Variants in FANCA observed in about 807,000 individuals in gnomAD.
The protein encoded by FANCA is FA complementation group A.
In FANCA, 236 loss-of-function variants were observed where a neutral mutation model predicts 194.3. That is an observed-to-expected ratio of 1.21 (90% CI 1.09 to 1.35). FANCA has a LOEUF of 1.35. Among genes scored for constraint, FANCA ranks in the 40% most tolerant of loss-of-function variants. FANCA has a pLI of 0.00. For synonymous variants in FANCA, 1,014 were observed against 715.8 expected (o/e 1.42, Z -6.65); for missense variants, 2,628 against 1,813.9 (o/e 1.45, Z -8.15).
rs1232171121 is a variant in FANCA, at chr16:89,814,519, C to A, written c.283+1G>T. The A allele has an allele frequency of 6.2e-7, 1 of 1,600,208 alleles. No individual in the cohort carries two copies. The highest frequency in any genetic ancestry group is 1.7e-5 in the Admixed American group (1 of 59,992). On this transcript the variant is annotated splice_donor_variant, in intron 3 of 42. Transcript: ENST00000389301. LOFTEE classifies it high-confidence loss of function. ...ATAGAGAAAATGAAGCTATAACTTA[C>A]CTATAAATGAACTAGAATGATTAGC...
intron 24 of FANCA, 147 bp from the exon 25 acceptor site, chr16:89,770,406 G>C: frequency 9.8e-7 from 1 of 1,023,968 alleles, no homozygotes; most frequent in Non-Finnish European, 1.5e-6. Context: ...ATCTTCTGCA[G>C]TGCTTCCCAA....
chr16:89,800,267 A>G (rs1598167018), intron 8 of FANCA, among the ~76,000 whole-genome samples: 1 of 152,218 alleles, frequency 6.6e-6, no homozygotes, highest in East Asian at 1.9e-4. Context: ...TTCACCCTTG[A>G]TGCCTCTGGA....
intron 1 of FANCA, chr16:89,816,218 G>A: frequency 1.9e-6 from 1 of 527,974 alleles, no homozygotes; most frequent in South Asian, 1.9e-5. Context: ...GGGACGGCTG[G>A]CGAGGGGCGG....
chr16:89,770,480 T>C, intron 24 of FANCA, 84 bp downstream of exon 24: 1 of 1,316,266 alleles, frequency 7.6e-7, no homozygotes, highest in Middle Eastern at 2.3e-4. Context: ...GACGAGCTCA[T>C]GAGTCCCTGG....
At chr16:89,813,778 GAA>G (rs1275279097) in intron 3 of FANCA, among the ~76,000 whole-genome samples, 1 of 148,430 alleles carries the variant, frequency 6.7e-6, no homozygotes, top group Admixed American at 6.6e-5. Flanking sequence ...GTCTCCATAG[GAA>G]AGTTTTTTTA....
At chr16:89,796,624 T>A (rs1026534417) in intron 10 of FANCA, among the ~76,000 whole-genome samples, 4 of 152,124 alleles carry the variant, frequency 2.6e-5, no homozygotes, top group African/African-American at 7.2e-5. Context: ...GCCTGCCACA[T>A]CCCAGCAGGC....
At chr16:89,759,475 C>G (rs997736590) in intron 29 of FANCA, among the ~76,000 whole-genome samples, 1 of 151,644 alleles carries the variant, frequency 6.6e-6, no homozygotes, top group Non-Finnish European at 1.5e-5. Context: ...CAAGGAGACA[C>G]TGACTCAAAA....
At chr16:89,805,493 T>C (rs1204860598) in intron 6 of FANCA, 101 bp from the exon 7 acceptor site, 1 of 830,568 alleles carries the variant, frequency 1.2e-6, no homozygotes, top group Non-Finnish European at 2.0e-6. Context: ...AGACAGTTTT[T>C]TGCTGTCACT....
intron 8 of FANCA, among the ~76,000 whole-genome samples, chr16:89,802,132 T>A (rs2040477409): frequency 6.6e-6 from 1 of 152,054 alleles, no homozygotes; most frequent in Non-Finnish European, 1.5e-5. Context: ...TTTAACGGAG[T>A]CTCGCTCTGT....
At chr16:89,754,625 T>G (rs2038710008) in intron 30 of FANCA, among the ~76,000 whole-genome samples, 2 of 152,170 alleles carry the variant, frequency 1.3e-5, no homozygotes, top group South Asian at 4.2e-4. Flanking sequence ...CACTTCACCC[T>G]CCCAAAGTGC....
At chr16:89,814,848 G>C (rs560783159) in intron 2 of FANCA, among the ~76,000 whole-genome samples, 3 of 152,112 alleles carry the variant, frequency 2.0e-5, no homozygotes, top group South Asian at 4.2e-4. Context: ...GGCTGAGACG[G>C]GAGAATCACT....
At chr16:89,810,545 C>A in intron 5 of FANCA, 162 bp downstream of exon 5, 2 of 651,792 alleles carry the variant, frequency 3.1e-6, no homozygotes, top group South Asian at 1.7e-5. Flanking sequence ...GTACTTCTTT[C>A]CAATCCACAG....
chr16:89,795,988 G>A lies in FANCA; in HGVS notation c.924C>T (p.Gly308=), dbSNP rs143255238. The A allele has an allele frequency of 7.4e-6, 12 of 1,613,950 alleles. No individual in the cohort carries two copies. In the African/African-American group the frequency reaches 1.2e-4, roughly 16 times the overall value. Residue 308 remains glycine, a synonymous_variant, in exon 11 of 43, where the codon GGC becomes GGT. Coordinates refer to ENST00000389301, the MANE Select transcript of FANCA (RefSeq NM_000135.4). ...TCAGAGGATCTGTGGAAATTACACT[G>A]CCAAGCGTGTGTCCACTGAACACTC... ...WFGVFSGHTL[G]SVISTDPLKR...
At position 89,752,183 on chromosome 16, in the gene FANCA, G is replaced by C; in HGVS notation, c.3021C>G (p.Val1007=). The C allele has an allele frequency of 6.2e-7, 1 of 1,614,118 alleles. No individual in the cohort carries two copies. Among genetic ancestry groups the C allele is most frequent in the African/African-American group, 1.3e-5 (1 of 75,044 alleles). ...SYDHSENSDL[V]FGGRTGNEDI... ...CCTCATTTCCTGTGCGGCCACCAAA[G>C]ACCAAATCAGAATTTTCTGAGTGGT... The change falls in exon 31 of 43, where the codon GTC becomes GTG. Residue 1007 remains valine (V), a synonymous_variant. Coordinates refer to ENST00000389301, the MANE Select transcript of FANCA (RefSeq NM_000135.4).
chr16:89,791,782 T>C (rs571371221), intron 13 of FANCA, 145 bp downstream of exon 13: 6 of 1,102,388 alleles, frequency 5.4e-6, no homozygotes, highest in African/African-American at 4.6e-5. Flanking sequence ...TGACAAAGAA[T>C]GTTCCATCGA....
At chr16:89,786,140 T>C (rs2039890023) in intron 14 of FANCA, among the ~76,000 whole-genome samples, 1 of 149,800 alleles carries the variant, frequency 6.7e-6, no homozygotes, top group Admixed American at 6.7e-5. Flanking sequence ...CACCTCTGCC[T>C]CCCAAGTAGC....
In FANCA at chr16:89,773,379, C is replaced by A; in HGVS notation, c.1906G>T (p.Ala636Ser). Reference protein sequence around the residue: ...SAAEEKPEDAALGVRAEPNSA... With the variant: ...SAAEEKPEDASLGVRAEPNSA... ...TTGGGTTCTGCCCTCACTCCCAGGGCTGCATCTGTGAGAAGAAGGAAGAAA... is the reference window on the plus strand; with the variant it reads ...TTGGGTTCTGCCCTCACTCCCAGGGATGCATCTGTGAGAAGAAGGAAGAAA... The change falls in exon 22 of 43, where the codon GCC becomes TCC. Residue 636 changes from alanine to serine, a missense_variant. Transcript: ENST00000389301. 2 of 1,549,988 alleles carry A rather than the reference C, an allele frequency of 1.3e-6. No individual in the cohort carries two copies. Among genetic ancestry groups the A allele is most frequent in the Non-Finnish European group, 1.7e-6 (2 of 1,145,630 alleles).
chr16:89,737,702 T>G lies in FANCA; in HGVS notation c.*899A>C. On this transcript the variant is annotated 3_prime_UTR_variant, in exon 43 of 43. Transcript: ENST00000389301. ...TGGGCCCACTGCATGGTGAACCATG[T>G]GCAGAAATGTCTTCCCAGCTGTGAT... is the stretch of plus-strand genomic sequence containing the variant. The G allele has an allele frequency of 1.3e-6, 2 of 1,581,218 alleles. No homozygotes were observed. Among genetic ancestry groups the G allele is most frequent in the Non-Finnish European group, 8.6e-7 (1 of 1,161,070 alleles).
intron 1 of FANCA, chr16:89,816,212 C>G (rs924143381): frequency 1.1e-5 from 6 of 537,484 alleles, no homozygotes; most frequent in African/African-American, 1.9e-5. Flanking sequence ...AGCCCGGGGA[C>G]GGCTGGCGAG....
Sources: gnomAD v4.1 joint callset for allele counts (sites outside exome capture counted in the v4.1 genomes callset) on GRCh38, gnomAD v4.1.1 for gene constraint, MANE v1.5 for transcripts, NCBI Gene and HGNC (gene_info 2026-07-23, HGNC 2026-07-21) for gene names.